Variants in WIPI1 observed in about 807,000 individuals in gnomAD.
WIPI1 encodes WD repeat domain, phosphoinositide interacting 1.
A neutral mutation model predicts 55.3 loss-of-function variants in WIPI1; 45 were observed. The ratio of observed to expected loss-of-function variants is 0.81; its 90% CI spans 0.64 to 1.04. WIPI1 has a LOEUF of 1.04. WIPI1 is among the 50% of genes least tolerant of loss of function. The probability of loss-of-function intolerance (pLI) is 0.00; values close to 1 mark genes in which losing one functional copy is unlikely to be tolerated. For synonymous variants in WIPI1, 195 were observed against 217.6 expected, an observed-to-expected ratio of 0.90 and a Z score of 0.92; for missense variants, 445 against 559.0, an observed-to-expected ratio of 0.80 and a Z score of 2.06.
Position 68,450,806 on chromosome 17 carries a change from C to T in WIPI1, c.255G>A (p.Val85=). Residue 85 remains valine, a synonymous_variant, in exon 3 of 13, where the codon GTG becomes GTA. Transcript: ENST00000262139. ...VSHTKPRQMN[V]YHFKKGTEIC... is the part of the protein sequence containing the mutation. Reference sequence around the variant, plus strand: ...TCTCTGTGCCTTTCTTGAAGTGATACACGTTCATCTGCCGTGGTTTTGTGT... The same window carrying T: ...TCTCTGTGCCTTTCTTGAAGTGATATACGTTCATCTGCCGTGGTTTTGTGT... The T allele has an allele frequency of 6.2e-7, 1 of 1,614,066 alleles. No homozygotes were observed. Among genetic ancestry groups the T allele is most frequent in the East Asian group, 2.2e-5 (1 of 44,874 alleles).
chr17:68,456,991 T>G (rs888625095), intron 1 of WIPI1, among the ~76,000 whole-genome samples: 7 of 152,336 alleles, frequency 4.6e-5, no homozygotes, highest in African/African-American at 1.7e-4. Context: ...TTTTGGCCAC[T>G]GTCTCTCTTC....
chr17:68,455,361 C>A (rs78911348), intron 1 of WIPI1, among the ~76,000 whole-genome samples: 1,327 of 101,934 alleles, frequency 0.013, no homozygotes, highest in Middle Eastern at 0.032. Flanking sequence ...AAGACTGTCT[C>A]AAAAAAAAAA....
intron 2 of WIPI1, among the ~76,000 whole-genome samples, chr17:68,452,557 T>C (rs2084537064): frequency 6.6e-6 from 1 of 152,066 alleles, no homozygotes; most frequent in Non-Finnish European, 1.5e-5. Flanking sequence ...AGAGCAAGAC[T>C]CCATCTCAAA....
intron 3 of WIPI1, among the ~76,000 whole-genome samples, chr17:68,450,322 A>C (rs553718099): frequency 9.2e-5 from 14 of 152,246 alleles, no homozygotes; most frequent in Non-Finnish European, 1.9e-4. Flanking sequence ...TCTCCTGCTC[A>C]GTGGTATTGC....
intron 8 of WIPI1, among the ~76,000 whole-genome samples, chr17:68,432,752 T>C (rs11656906): frequency 0.26 from 39,054 of 152,076 alleles, 5,687 homozygotes; most frequent in Middle Eastern, 0.35. Flanking sequence ...GATCCTGCCT[T>C]TCTCTGCAGG....
intron 3 of WIPI1, among the ~76,000 whole-genome samples, chr17:68,446,464 G>A (rs2084288768): frequency 6.6e-6 from 1 of 152,150 alleles, no homozygotes; most frequent in Non-Finnish European, 1.5e-5. Flanking sequence ...TTACAAGCAT[G>A]AGCTACTGTG....
chr17:68,426,294 T>A, intron 11 of WIPI1, 119 bp from the exon 12 acceptor site: 1 of 785,370 alleles, frequency 1.3e-6, no homozygotes. Flanking sequence ...GCTGTCTGTC[T>A]TCCCCCTGGA....
intron 6 of WIPI1, 59 bp downstream of exon 6, chr17:68,435,561 C>G: frequency 1.3e-6 from 2 of 1,532,978 alleles, no homozygotes; most frequent in Non-Finnish European, 9.0e-7. Context: ...CCCATCCCTG[C>G]GCACGGCAGG....
At chr17:68,430,774 G>A (rs184546494) in intron 8 of WIPI1, among the ~76,000 whole-genome samples, 235 of 152,286 alleles carry the variant, frequency 1.5e-3, no homozygotes, top group African/African-American at 5.5e-3. Context: ...TTCTGTTGGT[G>A]AGAGACAACC....
chr17:68,447,373 T>A (rs1335351542), intron 3 of WIPI1, among the ~76,000 whole-genome samples: 1 of 152,202 alleles, frequency 6.6e-6, no homozygotes, highest in Non-Finnish European at 1.5e-5. Context: ...TCTTCTTTTT[T>A]AAATTTTTAA....
chr17:68,435,986 G>A (rs141865715), intron 5 of WIPI1, among the ~76,000 whole-genome samples: 1 of 152,348 alleles, frequency 6.6e-6, no homozygotes, highest in Non-Finnish European at 1.5e-5. Context: ...TCGCAGGCGC[G>A]CCCTGCACGC....
intron 1 of WIPI1, among the ~76,000 whole-genome samples, chr17:68,455,126 C>G (rs984110712): frequency 2.0e-5 from 3 of 152,072 alleles, no homozygotes; most frequent in African/African-American, 7.2e-5. Flanking sequence ...TTTTGGGAGG[C>G]TGAGGTGGGT....
intron 12 of WIPI1, 120 bp from the exon 13 acceptor site, chr17:68,421,940 T>A (rs1013178628): frequency 7.5e-7 from 1 of 1,331,448 alleles, no homozygotes; most frequent in Non-Finnish European, 1.1e-6. Flanking sequence ...ACTGTGGAAT[T>A]TTTCTGTCTG....
chr17:68,427,912 C>T (rs1261371018), intron 10 of WIPI1, among the ~76,000 whole-genome samples: 2 of 152,294 alleles, frequency 1.3e-5, no homozygotes, highest in East Asian at 1.9e-4. Flanking sequence ...TTTTTTGAGA[C>T]AGGGTCTCAC....
chr17:68,425,463 C>T (rs2083106128), intron 12 of WIPI1, among the ~76,000 whole-genome samples: 1 of 150,852 alleles, frequency 6.6e-6, no homozygotes, highest in South Asian at 2.1e-4. Context: ...TCAAGCAATC[C>T]TCCAGCCTCG....
intron 3 of WIPI1, among the ~76,000 whole-genome samples, chr17:68,449,887 T>C (rs1352780068): frequency 6.6e-6 from 1 of 152,206 alleles, no homozygotes; most frequent in Non-Finnish European, 1.5e-5. Flanking sequence ...GGTGCCCACC[T>C]GTAGTCCCAG....
At chr17:68,438,434 G>A (rs893105021) in intron 4 of WIPI1, among the ~76,000 whole-genome samples, 1 of 152,200 alleles carries the variant, frequency 6.6e-6, no homozygotes, top group African/African-American at 2.4e-5. Context: ...AACTGGGGAG[G>A]GAAGGCAGTC....
intron 4 of WIPI1, among the ~76,000 whole-genome samples, chr17:68,436,685 C>T (rs1300307688): frequency 6.6e-6 from 1 of 152,178 alleles, no homozygotes. Context: ...CCTGATTTAA[C>T]ACTGGCTGCG....
chr17:68,433,389 A>T, intron 8 of WIPI1, 79 bp downstream of exon 8: 1 of 1,266,626 alleles, frequency 7.9e-7, no homozygotes, highest in Non-Finnish European at 1.1e-6. Context: ...GAAAGAAAAG[A>T]GATCATTCAT....
Sources: allele counts gnomAD v4.1 joint callset (sites outside exome capture counted in the v4.1 genomes callset), GRCh38; gene constraint gnomAD v4.1.1; transcripts MANE v1.5; gene names NCBI Gene and HGNC (gene_info 2026-07-23, HGNC 2026-07-21).